Variants in SLC25A21 observed in about 807,000 individuals in gnomAD.
SLC25A21 encodes the protein solute carrier family 25 member 21.
A neutral mutation model predicts 43.8 loss-of-function variants in SLC25A21; 47 were observed. The observed-to-expected ratio is 1.07, with a 90% CI of 0.85 to 1.37. SLC25A21 has a LOEUF of 1.37. Among genes scored for constraint, SLC25A21 ranks in the 40% most tolerant of loss-of-function variants. SLC25A21 has a pLI of 0.00. For missense variants in SLC25A21, 352 were observed against 350.2 expected, an observed-to-expected ratio of 1.00 and a Z score of -0.04; for synonymous variants, 131 against 121.3, an observed-to-expected ratio of 1.08 and a Z score of -0.52.
At chr14:36,919,611 TTATC>T (rs557368204) in intron 1 of SLC25A21, among the ~76,000 whole-genome samples, 6 of 125,822 alleles carry the variant, frequency 4.8e-5, no homozygotes, top group African/African-American at 1.7e-4. Flanking sequence ...AAATTCAAGA[TTATC>T]TATCTACCTA....
chr14:36,739,076 A>T (rs74044957), intron 3 of SLC25A21, among the ~76,000 whole-genome samples: 10,039 of 152,150 alleles, frequency 0.066, 1,084 homozygotes, highest in African/African-American at 0.23. Flanking sequence ...AGCTTTTTTT[A>T]AAACAACTAT....
At chr14:37,129,488 T>C (rs1392622297) in intron 1 of SLC25A21, among the ~76,000 whole-genome samples, 1 of 152,158 alleles carries the variant, frequency 6.6e-6, no homozygotes, top group African/African-American at 2.4e-5. Context: ...ATTGTTCCTA[T>C]GTGACCATGA....
At chr14:36,846,344 A>G (rs1201640326) in intron 2 of SLC25A21, among the ~76,000 whole-genome samples, 1 of 152,202 alleles carries the variant, frequency 6.6e-6, no homozygotes, top group African/African-American at 2.4e-5. Context: ...ATAAATGCTT[A>G]GAAACCCATC....
At chr14:37,096,395 A>G (rs1378943041) in intron 1 of SLC25A21, among the ~76,000 whole-genome samples, 1 of 152,058 alleles carries the variant, frequency 6.6e-6, no homozygotes, top group East Asian at 1.9e-4. Flanking sequence ...GGACCTGGAT[A>G]TTTATATATT....
At position 36,711,462 on chromosome 14, in the gene SLC25A21, A is replaced by G. The variant is rs1158531623; in HGVS notation, c.459T>C (p.Tyr153=). ...TFAEQPSTVG[Y]ARQIIKKEGW... ...CTTCCTTCTTAATGATTTGTCTTGC[A>G]TAACCCACAGTGGATGGTTGCTGCA... is the stretch of plus-strand genomic sequence containing the variant. Residue 153 remains tyrosine (Y), a synonymous_variant, in exon 7 of 10, where the codon TAT becomes TAC. Transcript: ENST00000331299. The G allele has an allele frequency of 6.8e-6, 11 of 1,613,930 alleles. No individual in the cohort carries two copies. Among genetic ancestry groups the G allele is most frequent in the East Asian group, 2.2e-5 (1 of 44,882 alleles).
Position 36,678,678 on chromosome 14 carries a change from G to T in SLC25A21, c.*1980C>A. On this transcript the variant is annotated 3_prime_UTR_variant, in exon 10 of 10. Coordinates refer to ENST00000331299, the MANE Select transcript of SLC25A21 (RefSeq NM_030631.4). ...TTTAAAAAATATTACTTGCTTGTGT[G>T]GAAATGCAAATAATGTTATTTTCTT... 8.0e-7 allele frequency: 1 copy of T among 1,253,038 alleles called. No individual in the cohort carries two copies. The highest frequency in any genetic ancestry group is 1.5e-5 in the African/African-American group (1 of 65,408). 77.6% of individuals were successfully genotyped at this position (1,253,038 alleles called of 1,614,324 possible).
Position 36,679,441 on chromosome 14 carries a change from T to C in SLC25A21, c.*1217A>G, listed in dbSNP as rs575305973. ...AGTAGAAATAGCCCACGGTAGTAAC[T>C]TAGGACAGGTGTCATATGGACTTTC... On this transcript the variant is annotated 3_prime_UTR_variant, in exon 10 of 10. Transcript: ENST00000331299. The C allele has an allele frequency of 7.1e-6, 7 of 985,422 alleles. No homozygotes were observed. The South Asian group carries it at 3.3e-4, about 46-fold the overall frequency. The allele number at this position is 985,422 out of a possible 1,614,324, so 61.0% of individuals were successfully genotyped here. A position where few individuals can be genotyped will look rare whatever the true frequency, so the allele number is the denominator to read the frequency against.
At chr14:36,827,882 T>C (rs1048610641) in intron 2 of SLC25A21, among the ~76,000 whole-genome samples, 1 of 152,236 alleles carries the variant, frequency 6.6e-6, no homozygotes, top group Non-Finnish European at 1.5e-5. Context: ...TACCACAGTT[T>C]TAGATTCTAG....
intron 1 of SLC25A21, among the ~76,000 whole-genome samples, chr14:36,894,953 T>G (rs1022676360): frequency 6.6e-6 from 1 of 152,256 alleles, no homozygotes; most frequent in Non-Finnish European, 1.5e-5. Flanking sequence ...AGTATTTTAT[T>G]GAGGATTTTT....
chr14:36,977,952 TTTA>T (rs1202062180), intron 1 of SLC25A21, among the ~76,000 whole-genome samples: 5 of 134,686 alleles, frequency 3.7e-5, no homozygotes, highest in East Asian at 2.7e-4. Context: ...TTTTTTTTTT[TTTA>T]AAAAAAAAAA....
chr14:36,707,168 C>T (rs111721307), intron 7 of SLC25A21, among the ~76,000 whole-genome samples: 8 of 152,364 alleles, frequency 5.3e-5, no homozygotes, highest in African/African-American at 1.7e-4. Context: ...TGCCCATTTG[C>T]TGTCCCTTGC....
intron 1 of SLC25A21, among the ~76,000 whole-genome samples, chr14:37,108,581 C>G (rs181826551): frequency 5.7e-4 from 86 of 152,128 alleles, no homozygotes; most frequent in African/African-American, 2.0e-3. Flanking sequence ...ATTTATCAGA[C>G]AGAAAAGCTA....
chr14:37,045,232 T>C (rs1321724847), intron 1 of SLC25A21, among the ~76,000 whole-genome samples: 1 of 152,198 alleles, frequency 6.6e-6, no homozygotes, highest in East Asian at 1.9e-4. Flanking sequence ...GTTGTAAATT[T>C]CTAGAGAATA....
intron 1 of SLC25A21, among the ~76,000 whole-genome samples, chr14:36,949,482 T>C (rs932954803): frequency 5.9e-5 from 9 of 152,310 alleles, no homozygotes; most frequent in African/African-American, 2.2e-4. Context: ...CAATAAAGGT[T>C]AAGTCATTTT....
chr14:36,868,031 G>A (rs1386133707), intron 2 of SLC25A21, among the ~76,000 whole-genome samples: 2 of 151,922 alleles, frequency 1.3e-5, no homozygotes, highest in South Asian at 2.1e-4. Context: ...AAGCTGCCAA[G>A]GCTATCTAGT....
intron 2 of SLC25A21, among the ~76,000 whole-genome samples, chr14:36,839,442 C>A (rs1297298052): frequency 1.3e-5 from 2 of 152,094 alleles, no homozygotes; most frequent in African/African-American, 4.8e-5. Flanking sequence ...AAATATTGGG[C>A]AAAAGGGACT....
intron 2 of SLC25A21, among the ~76,000 whole-genome samples, chr14:36,861,542 C>T (rs1890065437): frequency 6.6e-6 from 1 of 152,168 alleles, no homozygotes; most frequent in Admixed American, 6.5e-5. Context: ...TCCTAAAGTA[C>T]TTTCTCCATG....
At chr14:37,003,608 A>T (rs1198679350) in intron 1 of SLC25A21, among the ~76,000 whole-genome samples, 2 of 152,226 alleles carry the variant, frequency 1.3e-5, no homozygotes, top group Non-Finnish European at 2.9e-5. Context: ...TGCATGCAAA[A>T]GCATGGATTA....
chr14:36,721,402 T>C (rs952406433), intron 6 of SLC25A21, among the ~76,000 whole-genome samples: 4 of 152,152 alleles, frequency 2.6e-5, no homozygotes, highest in Non-Finnish European at 4.4e-5. Context: ...AAGATCTCCC[T>C]CCAGGTCTTG....
Sources: gnomAD v4.1 joint callset for allele counts (sites outside exome capture counted in the v4.1 genomes callset) on GRCh38, gnomAD v4.1.1 for gene constraint, MANE v1.5 for transcripts, NCBI Gene and HGNC (gene_info 2026-07-23, HGNC 2026-07-21) for gene names.